The following PAX7 variants were observed in gnomAD, a reference collection of about 807,000 sequenced individuals.
PAX7 encodes paired box protein Pax-7.
A neutral mutation model predicts 50.7 loss-of-function variants in PAX7; 18 were observed. The ratio of observed to expected loss-of-function variants is 0.36; its 90% CI spans 0.25 to 0.53. PAX7 has a LOEUF of 0.53. PAX7 is among the 20% of genes least tolerant of loss of function. The pLI, the probability that PAX7 is intolerant of heterozygous loss-of-function variation, is 0.93. For synonymous variants in PAX7, 310 were observed against 290.4 expected (o/e 1.07, Z -0.69); for missense variants, 644 against 702.9 (o/e 0.92, Z 0.95).
At chr1:18,714,849 G>A (rs1292415764) in intron 7 of PAX7, among the ~76,000 whole-genome samples, 4 of 152,236 alleles carry the variant, frequency 2.6e-5, no homozygotes, top group East Asian at 1.9e-4. Context: ...GGCTTGGTGG[G>A]AAAGAATGCA....
intron 4 of PAX7, among the ~76,000 whole-genome samples, chr1:18,651,650 G>A (rs2088432578): frequency 1.3e-5 from 2 of 152,168 alleles, no homozygotes; most frequent in Admixed American, 6.5e-5. Flanking sequence ...TTTATCAGTG[G>A]TGGGTATGAG....
intron 4 of PAX7, among the ~76,000 whole-genome samples, chr1:18,667,605 A>C (rs1381736286): frequency 1.3e-5 from 2 of 152,128 alleles, no homozygotes; most frequent in Non-Finnish European, 2.9e-5. Flanking sequence ...ATTAGACATA[A>C]GGAAACACAA....
chr1:18,679,407 A>T (rs1231283014), intron 4 of PAX7, among the ~76,000 whole-genome samples: 4 of 152,114 alleles, frequency 2.6e-5, no homozygotes, highest in Admixed American at 6.5e-5. Flanking sequence ...TGGTCCTTTC[A>T]CAGCCGCTTT....
intron 7 of PAX7, among the ~76,000 whole-genome samples, chr1:18,734,500 C>T (rs2089687204): frequency 6.6e-6 from 1 of 152,122 alleles, no homozygotes; most frequent in Non-Finnish European, 1.5e-5. Flanking sequence ...ACTGTGCCCT[C>T]CCACTCTCCA....
intron 7 of PAX7, 60 bp downstream of exon 7, chr1:18,703,356 A>AC: frequency 6.8e-7 from 1 of 1,467,882 alleles, no homozygotes; most frequent in Non-Finnish European, 9.5e-7. Flanking sequence ...ACATCTGCAG[A>AC]CAGCACGTGG....
intron 4 of PAX7, among the ~76,000 whole-genome samples, chr1:18,645,373 C>T (rs1252819829): frequency 6.6e-6 from 1 of 152,222 alleles, no homozygotes; most frequent in African/African-American, 2.4e-5. Context: ...AAAGAGGCCC[C>T]CGAGCGGGAC....
chr1:18,647,035 T>A (rs990467451), intron 4 of PAX7, among the ~76,000 whole-genome samples: 1 of 8,122 alleles, frequency 1.2e-4, no homozygotes, highest in Non-Finnish European at 2.5e-4. Context: ...GGGGAAGGGC[T>A]GGAGGGGGAG....
intron 4 of PAX7, among the ~76,000 whole-genome samples, chr1:18,647,153 C>T (rs1310776608): frequency 6.6e-6 from 1 of 151,942 alleles, no homozygotes; most frequent in South Asian, 2.1e-4. Context: ...TGCAGGGCCT[C>T]GTCTGCTGAG....
In PAX7 at chr1:18,691,902, C is replaced by T. The variant is rs757107397; in HGVS notation, c.735C>T (p.Tyr245=). Residue 245 remains tyrosine, a synonymous_variant, in exon 5 of 9, where the codon TAC becomes TAT. Transcript: ENST00000420770. ...AFERTHYPDI[Y]TREELAQRTK... ...AGAGGACCCACTACCCAGACATATA[C>T]ACCCGCGAGGAGCTGGCGCAGAGGA... 3 of 1,614,014 alleles carry T rather than the reference C, an allele frequency of 1.9e-6. No homozygotes were observed. The highest frequency in any genetic ancestry group is 2.5e-6 in the Non-Finnish European group (3 of 1,179,996).
intron 8 of PAX7, among the ~76,000 whole-genome samples, chr1:18,744,281 G>C (rs552782163): frequency 2.0e-5 from 3 of 152,300 alleles, no homozygotes; most frequent in African/African-American, 7.2e-5. Context: ...TTGAGGGGTG[G>C]TTAATTCTTT....
chr1:18,720,712 G>C (rs996136330), intron 7 of PAX7, among the ~76,000 whole-genome samples: 13 of 151,564 alleles, frequency 8.6e-5, no homozygotes, highest in Non-Finnish European at 1.9e-4. Context: ...GGTGGAGACT[G>C]GGGGGAGAGA....
rs148046138 is a variant in PAX7 at position 18,736,094 on chromosome 1, C to T, written c.1402+216C>T. ...CATCTCCTGGCTAAGCCTCTGCTTC[C>T]GTACTATGGCTCCAACAGAAATAAA... On this transcript the variant is annotated intron_variant, in intron 8 of 8. Transcript: ENST00000420770. The T allele has an allele frequency of 1.1e-3, 860 of 760,836 alleles. 13 individuals carry two copies. In the East Asian group the frequency reaches 0.021, roughly 18 times the overall value. 47.1% of individuals were successfully genotyped at this position (760,836 alleles called of 1,614,324 possible). A position where few individuals can be genotyped will look rare whatever the true frequency, so the allele number is the denominator to read the frequency against.
chr1:18,742,299 T>C (rs1000857128), intron 8 of PAX7, among the ~76,000 whole-genome samples: 2 of 152,118 alleles, frequency 1.3e-5, no homozygotes, highest in Non-Finnish European at 2.9e-5. Context: ...CTGGGACTAC[T>C]GGCATGCGCC....
chr1:18,742,977 A>G (rs1931228614), intron 8 of PAX7, among the ~76,000 whole-genome samples: 1 of 152,188 alleles, frequency 6.6e-6, no homozygotes, highest in African/African-American at 2.4e-5. Context: ...TGATGTGCCC[A>G]GGGCCACATG....
At position 18,700,565 on chromosome 1, in the gene PAX7, T is replaced by C. The variant is rs2089205935; in HGVS notation, c.787-88T>C. ...GGATGCTGGCTGGATCAGAGGGTGATGGCTTGGGCAACTGGGTCTACATGT... is the reference window on the plus strand; with the variant it reads ...GGATGCTGGCTGGATCAGAGGGTGACGGCTTGGGCAACTGGGTCTACATGT... On this transcript the variant is annotated intron_variant, in intron 5 of 8. Coordinates refer to ENST00000420770, the MANE Select transcript of PAX7 (RefSeq NM_001135254.2). The surrounding 1 kb of genome is among the most constrained non-coding windows in gnomAD (Gnocchi z 4.8). The C allele has an allele frequency of 8.0e-7, 1 of 1,250,200 alleles. No individual in the cohort carries two copies. Among genetic ancestry groups the C allele is most frequent in the Non-Finnish European group, 1.1e-6 (1 of 926,290 alleles). The allele number at this position is 1,250,200 out of a possible 1,614,324, so 77.4% of individuals were successfully genotyped here. A position where few individuals can be genotyped will look rare whatever the true frequency, so the allele number is the denominator to read the frequency against.
At chr1:18,662,406 TC>T (rs1003291526) in intron 4 of PAX7, among the ~76,000 whole-genome samples, 19 of 152,126 alleles carry the variant, frequency 1.2e-4, no homozygotes, top group Non-Finnish European at 1.2e-4. Flanking sequence ...GCTCCTTTGT[TC>T]CTTCTTTAGT....
chr1:18,703,425 G>A lies in PAX7; in HGVS notation c.1155+129G>A, dbSNP rs1165141551. ...GACTGCGGTTGGGGTTTTTGTTCTA[G>A]AATCAGGAATCCTCCCTGGACTCTG... On this transcript the variant is annotated intron_variant, in intron 7 of 8. Transcript: ENST00000420770. The A allele has an allele frequency of 3.8e-6, 3 of 784,230 alleles. No homozygotes were observed. In the East Asian group the frequency reaches 7.9e-5, roughly 21 times the overall value. The allele number at this position is 784,230 out of a possible 1,614,324, so 48.6% of individuals were successfully genotyped here.
intron 4 of PAX7, among the ~76,000 whole-genome samples, chr1:18,675,896 G>A (rs932953521): frequency 2.6e-5 from 4 of 152,144 alleles, no homozygotes; most frequent in African/African-American, 9.7e-5. Context: ...TCGCTCCCCT[G>A]ATCAGGGCAG....
At position 18,746,204 on chromosome 1, in the gene PAX7, G is replaced by A. The variant is rs751821121; in HGVS notation, c.*1275G>A. Reference sequence around the variant, plus strand: ...GCAAATTGCTGTCCTGCTCAGAGTGGCATCTTTCAATGTTGCCTCCATCTT... The same window carrying A: ...GCAAATTGCTGTCCTGCTCAGAGTGACATCTTTCAATGTTGCCTCCATCTT... On this transcript the variant is annotated 3_prime_UTR_variant, in exon 9 of 9. Coordinates refer to ENST00000420770, the MANE Select transcript of PAX7 (RefSeq NM_001135254.2). 5.6e-5 allele frequency: 13 copies of A among 231,248 alleles called. No individual in the cohort carries two copies. Among genetic ancestry groups the A allele is most frequent in the Non-Finnish European group, 6.8e-5 (8 of 116,828 alleles). The allele number at this position is 231,248 out of a possible 1,614,324, so 14.3% of individuals were successfully genotyped here.
Sources: allele counts gnomAD v4.1 joint callset (sites outside exome capture counted in the v4.1 genomes callset), GRCh38; gene constraint gnomAD v4.1.1; non-coding constraint Gnocchi (gnomAD v3.1); transcripts MANE v1.5; gene names NCBI Gene and HGNC (gene_info 2026-07-23, HGNC 2026-07-21).